ANKIB1: variants seen among roughly 807,000 people sequenced by gnomAD.
ANKIB1 encodes ankyrin repeat and IBR domain containing 1.
Under a neutral mutation model 122.1 loss-of-function variants are expected in ANKIB1, and 43 were observed. The observed-to-expected ratio is 0.35, with a 90% CI of 0.28 to 0.45. ANKIB1 has a LOEUF of 0.45. Among genes scored for constraint, ANKIB1 ranks in the 20% least tolerant of loss-of-function variants. ANKIB1 has a pLI of 1.00. For missense variants in ANKIB1, 992 were observed against 1,329.5 expected (o/e 0.75, Z 3.95); for synonymous variants, 390 against 442.0 (o/e 0.88, Z 1.48).
intron 1 of ANKIB1, among the ~76,000 whole-genome samples, chr7:92,265,721 T>C (rs995446830): frequency 5.9e-5 from 9 of 152,138 alleles, no homozygotes; most frequent in African/African-American, 2.2e-4. Flanking sequence ...ATTTTCAGGC[T>C]AAGAAAGGAC....
chr7:92,304,301 T>G (rs1053498853), intron 2 of ANKIB1, among the ~76,000 whole-genome samples: 1 of 152,124 alleles, frequency 6.6e-6, no homozygotes, highest in African/African-American at 2.4e-5. Flanking sequence ...TTTGAGACTC[T>G]TTCTTGAATA....
At chr7:92,385,461 GC>G (rs1804616119) in intron 11 of ANKIB1, among the ~76,000 whole-genome samples, 1 of 152,188 alleles carries the variant, frequency 6.6e-6, no homozygotes, top group African/African-American at 2.4e-5. Context: ...ATTCACAATA[GC>G]AAAAACTTGG....
chr7:92,386,398 C>A, intron 11 of ANKIB1, 111 bp from the exon 12 acceptor site: 1 of 1,188,118 alleles, frequency 8.4e-7, no homozygotes, highest in Middle Eastern at 2.9e-4. Flanking sequence ...AGATTTATTA[C>A]TGGTCACACA....
intron 9 of ANKIB1, among the ~76,000 whole-genome samples, chr7:92,355,638 A>G (rs566506049): frequency 1.3e-5 from 2 of 152,120 alleles, no homozygotes; most frequent in East Asian, 1.9e-4. Flanking sequence ...TCATGAGGTC[A>G]GGAGATCGAG....
chr7:92,321,307 A>G (rs1802906417), intron 4 of ANKIB1, among the ~76,000 whole-genome samples: 1 of 152,154 alleles, frequency 6.6e-6, no homozygotes, highest in African/African-American at 2.4e-5. Flanking sequence ...ACAATACATT[A>G]TTATTGGCTA....
rs1562802464 is a variant in ANKIB1, at chr7:92,396,415, A to AGATGTT, written c.2335_2340dup (p.Asp779_Val780dup). ...GGAGGCACAGACAACGTCGTCGAGG[A>AGATGTT]GATGTTCACAGTCTACTCAGTAATC... On this transcript the variant is annotated inframe_insertion, in exon 18 of 20. Coordinates refer to ENST00000265742, the MANE Select transcript of ANKIB1 (RefSeq NM_019004.2). The AGATGTT allele has an allele frequency of 6.3e-7, 1 of 1,599,074 alleles. No individual in the cohort carries two copies. The highest frequency in any genetic ancestry group is 8.5e-7 in the Non-Finnish European group (1 of 1,172,434).
At chr7:92,349,946 G>A (rs1803622654) in intron 7 of ANKIB1, among the ~76,000 whole-genome samples, 1 of 151,254 alleles carries the variant, frequency 6.6e-6, no homozygotes, top group African/African-American at 2.4e-5. Context: ...AGGCTGAGGT[G>A]GGAGGATCAC....
intron 2 of ANKIB1, among the ~76,000 whole-genome samples, chr7:92,297,048 A>G (rs1395563754): frequency 1.3e-5 from 2 of 152,238 alleles, no homozygotes; most frequent in Non-Finnish European, 2.9e-5. Flanking sequence ...TGCTGATATA[A>G]TAATGGCAAA....
chr7:92,252,386 C>CTTTTT (rs34891046), intron 1 of ANKIB1, among the ~76,000 whole-genome samples: 1 of 134,192 alleles, frequency 7.5e-6, no homozygotes, highest in African/African-American at 2.8e-5. Context: ...TAAGGTACTA[C>CTTTTT]TTTTTTTTTT....
chr7:92,254,586 G>A lies in ANKIB1; in HGVS notation c.-91+8067G>A, dbSNP rs1427084463. Among the ~76,000 whole-genome samples the A allele has an allele frequency of 2.0e-5, 3 of 152,090 alleles. No individual in the cohort carries two copies. The East Asian group carries it at 5.8e-4, about 29-fold the overall frequency. ...TACTTATGAGGCTAGCTACTTATGA[G>A]GCTAGCCATCTTTCAATATATTTGT... On this transcript the variant is annotated intron_variant, in intron 1 of 19. Coordinates refer to ENST00000265742, the MANE Select transcript of ANKIB1 (RefSeq NM_019004.2).
chr7:92,401,052 C>T lies in ANKIB1; in HGVS notation c.*2103C>T, dbSNP rs1365632641. 6.6e-6 allele frequency: 1 copy of T among 152,174 alleles called. No homozygotes were observed. Among genetic ancestry groups the T allele is most frequent in the Non-Finnish European group, 1.5e-5 (1 of 68,026 alleles). 9.4% of individuals were successfully genotyped at this position (152,174 alleles called of 1,614,324 possible). ...GGTTTCCTTGCACCTTGTGCAGTAT[C>T]CTTTATTTCTGTGCTGTTCTCTCCT... On this transcript the variant is annotated 3_prime_UTR_variant, in exon 20 of 20. Transcript: ENST00000265742.
intron 17 of ANKIB1, among the ~76,000 whole-genome samples, chr7:92,393,447 A>T (rs1467835432): frequency 6.6e-6 from 1 of 152,026 alleles, no homozygotes; most frequent in Non-Finnish European, 1.5e-5. Context: ...AACTTCGGGG[A>T]TATTGTGGTA....
intron 3 of ANKIB1, among the ~76,000 whole-genome samples, chr7:92,314,422 C>T (rs1802751633): frequency 6.6e-6 from 1 of 152,138 alleles, no homozygotes; most frequent in African/African-American, 2.4e-5. Context: ...AGCAGTGTTT[C>T]TTAAAAGCCT....
chr7:92,275,306 A>G (rs1173622690), intron 1 of ANKIB1, among the ~76,000 whole-genome samples: 1 of 152,196 alleles, frequency 6.6e-6, no homozygotes, highest in Non-Finnish European at 1.5e-5. Context: ...TGACATAGAC[A>G]TCTCTGTACT....
chr7:92,343,207 C>A lies in ANKIB1; in HGVS notation c.971C>A (p.Ser324Tyr). 1 of 1,613,906 alleles carries A rather than the reference C, an allele frequency of 6.2e-7. No homozygotes were observed. Among genetic ancestry groups the A allele is most frequent in the Non-Finnish European group, 8.5e-7 (1 of 1,179,854 alleles). ...SVTSPDEISL[S>Y]PGDLDTSLCD... ...ACCTCCCCAGATGAAATCAGCTTAT[C>A]TCCTGGGGATTTAGACACCAGTTTG... The change falls in exon 6 of 20, where the codon TCT becomes TAT. Residue 324 changes from serine (S) to tyrosine (Y), a missense_variant. Physicochemically the swap from Ser to Tyr is moderately radical, Grantham distance 144. Transcript: ENST00000265742.
At chr7:92,301,184 A>G (rs1802450701) in intron 2 of ANKIB1, among the ~76,000 whole-genome samples, 1 of 151,900 alleles carries the variant, frequency 6.6e-6, no homozygotes, top group East Asian at 1.9e-4. Flanking sequence ...GGAGTTTGTG[A>G]TTTTATTTCC....
chr7:92,255,617 G>A (rs1585073147), intron 1 of ANKIB1, among the ~76,000 whole-genome samples: 4 of 152,162 alleles, frequency 2.6e-5, no homozygotes, highest in Admixed American at 2.6e-4. Flanking sequence ...AGATAAAGCA[G>A]CTCCTTCCCC....
chr7:92,332,815 T>TA (rs1449509588), intron 5 of ANKIB1, among the ~76,000 whole-genome samples: 1 of 152,228 alleles, frequency 6.6e-6, no homozygotes, highest in African/African-American at 2.4e-5. Context: ...CCCCCTGGAC[T>TA]AGACCTCTCT....
intron 1 of ANKIB1, among the ~76,000 whole-genome samples, chr7:92,291,808 C>T (rs1802257398): frequency 6.6e-6 from 1 of 152,032 alleles, no homozygotes; most frequent in South Asian, 2.1e-4. Context: ...AACGCCTGAC[C>T]TCATGATCTA....
Sources: allele counts gnomAD v4.1 joint callset (sites outside exome capture counted in the v4.1 genomes callset), GRCh38; gene constraint gnomAD v4.1.1; transcripts MANE v1.5; gene names NCBI Gene and HGNC (gene_info 2026-07-23, HGNC 2026-07-21).